Variants in KLHL1 observed in about 807,000 individuals in gnomAD.
KLHL1 encodes kelch like family member 1, also known as kelch-like protein 1.
In KLHL1, 47 loss-of-function variants were observed where a neutral mutation model predicts 77.7. The ratio of observed to expected loss-of-function variants is 0.60; its 90% CI spans 0.48 to 0.77. The LOEUF (loss-of-function observed/expected upper bound fraction) is 0.77. KLHL1 is among the 30% of genes least tolerant of loss of function. The pLI, the probability that KLHL1 is intolerant of heterozygous loss-of-function variation, is 0.00. For synonymous variants in KLHL1, 360 were observed against 325.2 expected (o/e 1.11, Z -1.15); for missense variants, 925 against 910.8 (o/e 1.02, Z -0.20).
At chr13:69,837,665 T>C (rs1879073882) in intron 6 of KLHL1, among the ~76,000 whole-genome samples, 1 of 127,318 alleles carries the variant, frequency 7.9e-6, no homozygotes, top group African/African-American at 3.6e-5. Flanking sequence ...TATGTGTGTG[T>C]GTGTGTATAT....
chr13:70,084,622 C>CGTTTTTTTTTTTTTTTT lies in KLHL1; in HGVS notation c.497+22580_497+22581insAAAAAAAAAAAAAAAAC, dbSNP rs1555296089. Among the ~76,000 whole-genome samples the CGTTTTTTTTTTTTTTTT allele has an allele frequency of 1.3e-4, 2 of 14,956 alleles. 1 individual carries two copies. The highest frequency in any genetic ancestry group is 2.0e-4 in the Non-Finnish European group (2 of 9,850). The allele number at this position is 14,956 out of a possible 152,430, so 9.8% of individuals were successfully genotyped here. ...TACAGGCACCTGCCACCACGCCAGG[C>CGTTTTTTTTTTTTTTTT]TTTTTTTTTTTTTTTTTTTTTTTTT... On this transcript the variant is annotated intron_variant, in intron 1 of 10. Coordinates refer to ENST00000377844, the MANE Select transcript of KLHL1 (RefSeq NM_020866.3).
intron 4 of KLHL1, among the ~76,000 whole-genome samples, chr13:69,883,460 C>A (rs564251625): frequency 6.6e-6 from 1 of 152,300 alleles, no homozygotes; most frequent in East Asian, 1.9e-4. Flanking sequence ...CCTCAAGTTT[C>A]TACTGAGTCT....
In KLHL1 at chr13:69,748,450, G is replaced by A. The variant is rs560033786; in HGVS notation, c.1640-7894C>T. On this transcript the variant is annotated intron_variant, in intron 7 of 10. Coordinates refer to ENST00000377844, the MANE Select transcript of KLHL1 (RefSeq NM_020866.3). ...TCCCCTGATAAAACCATCAGATGTC[G>A]TGAGACTTATTCACTACCATGAGAA... Among the ~76,000 whole-genome samples the A allele has an allele frequency of 3.2e-4, 48 of 152,068 alleles. 1 individual carries two copies. The East Asian group carries it at 6.0e-3, about 19-fold the overall frequency.
At chr13:69,827,839 T>TCTAAAGGCATCACGTCAC (rs1447526208) in intron 6 of KLHL1, among the ~76,000 whole-genome samples, 1 of 134,420 alleles carries the variant, frequency 7.4e-6, no homozygotes, top group Non-Finnish European at 1.6e-5. Flanking sequence ...TTACACACAA[T>TCTAAAGGCATCACGTCAC]CCTGATTAAA....
chr13:70,072,860 G>A (rs1487582124), intron 1 of KLHL1, among the ~76,000 whole-genome samples: 1 of 152,044 alleles, frequency 6.6e-6, no homozygotes, highest in Non-Finnish European at 1.5e-5. Flanking sequence ...TGGATTAAGT[G>A]TGAGAAACTA....
intron 3 of KLHL1, among the ~76,000 whole-genome samples, chr13:69,956,894 G>T (rs568935640): frequency 6.6e-6 from 1 of 151,624 alleles, no homozygotes; most frequent in Non-Finnish European, 1.5e-5. Context: ...CATAGAAAAC[G>T]TTCGTCTGTA....
intron 7 of KLHL1, among the ~76,000 whole-genome samples, chr13:69,769,087 A>G (rs1875443669): frequency 6.6e-6 from 1 of 152,210 alleles, no homozygotes; most frequent in African/African-American, 2.4e-5. Context: ...AATTATCTGT[A>G]CTATAACATA....
intron 9 of KLHL1, among the ~76,000 whole-genome samples, chr13:69,710,749 T>C (rs1875836789): frequency 6.6e-6 from 1 of 152,134 alleles, no homozygotes; most frequent in Non-Finnish European, 1.5e-5. Context: ...AGGTTATGTT[T>C]CTGAAAAACT....
chr13:69,806,735 A>C (rs1158641944), intron 6 of KLHL1, among the ~76,000 whole-genome samples: 1 of 152,220 alleles, frequency 6.6e-6, no homozygotes, highest in Non-Finnish European at 1.5e-5. Context: ...GTTGCTCCAG[A>C]AAGGCAACCC....
rs562409258 is a variant in KLHL1 at position 69,735,425 on chromosome 13, C to T, written c.1802+4969G>A. On this transcript the variant is annotated intron_variant, in intron 8 of 10. Transcript: ENST00000377844. ...TAAGAAAACAGAAAAAGTTTCCTTA[C>T]TAGTTTATTAAATGTTTATCTTTCT... 7.3e-5 allele frequency among the ~76,000 whole-genome samples: 11 copies of T among 150,708 alleles called. No individual in the cohort carries two copies. In the East Asian group the frequency reaches 2.0e-3, roughly 27 times the overall value.
At chr13:70,039,471 A>G (rs1886320026) in intron 1 of KLHL1, among the ~76,000 whole-genome samples, 1 of 152,092 alleles carries the variant, frequency 6.6e-6, no homozygotes, top group Admixed American at 6.6e-5. Context: ...TTTTTTGGCC[A>G]ATATATGATT....
At chr13:69,885,950 G>C (rs1232259454) in intron 4 of KLHL1, among the ~76,000 whole-genome samples, 1 of 152,126 alleles carries the variant, frequency 6.6e-6, no homozygotes, top group African/African-American at 2.4e-5. Context: ...ATTCTGGCCA[G>C]TGAAAACCAT....
intron 4 of KLHL1, among the ~76,000 whole-genome samples, chr13:69,927,813 G>A (rs1456128034): frequency 6.6e-6 from 1 of 152,150 alleles, no homozygotes; most frequent in Non-Finnish European, 1.5e-5. Flanking sequence ...GTACAGCTAG[G>A]TTGGAAAACA....
At chr13:69,988,029 G>T (rs1593653477) in intron 1 of KLHL1, among the ~76,000 whole-genome samples, 1 of 151,686 alleles carries the variant, frequency 6.6e-6, no homozygotes, top group South Asian at 2.1e-4. Flanking sequence ...TGACTCGAGG[G>T]TTTTGTGTAC....
chr13:70,095,149 C>A (rs1887756391), intron 1 of KLHL1, among the ~76,000 whole-genome samples: 1 of 152,130 alleles, frequency 6.6e-6, no homozygotes, highest in Non-Finnish European at 1.5e-5. Context: ...ATCTACCCAG[C>A]ATAATGAATG....
At chr13:69,811,745 G>T (rs1479956731) in intron 6 of KLHL1, among the ~76,000 whole-genome samples, 1 of 152,060 alleles carries the variant, frequency 6.6e-6, no homozygotes, top group Non-Finnish European at 1.5e-5. Flanking sequence ...TCTATCAAAA[G>T]ACCCTAGACT....
At chr13:69,986,630 C>A (rs970970769) in intron 1 of KLHL1, among the ~76,000 whole-genome samples, 2 of 151,918 alleles carry the variant, frequency 1.3e-5, no homozygotes, top group Non-Finnish European at 2.9e-5. Flanking sequence ...AAAAAAAGTT[C>A]TATTATGAAA....
At position 70,009,686 on chromosome 13, in the gene KLHL1, AT is replaced by A. The variant is rs1299336964; in HGVS notation, c.498-33885del. 2.0e-5 allele frequency among the ~76,000 whole-genome samples: 3 copies of A among 152,130 alleles called. 1 individual carries two copies. Among genetic ancestry groups the A allele is most frequent in the Admixed American group, 2.0e-4 (3 of 15,256 alleles). On this transcript the variant is annotated intron_variant, in intron 1 of 10. Transcript: ENST00000377844. ...ACAACCTGTCTCCATGTGAGCTTCAATTTTTTCATCTGTAATGTGGAACTAA... is the reference window on the plus strand; with the variant it reads ...ACAACCTGTCTCCATGTGAGCTTCAATTTTTCATCTGTAATGTGGAACTAA...
chr13:69,884,786 A>G (rs989172455), intron 4 of KLHL1, among the ~76,000 whole-genome samples: 5 of 152,094 alleles, frequency 3.3e-5, no homozygotes, highest in Admixed American at 6.6e-5. Flanking sequence ...TATGAAATTG[A>G]TCAGATTTCT....
Sources: gnomAD v4.1 joint callset for allele counts (sites outside exome capture counted in the v4.1 genomes callset) on GRCh38, gnomAD v4.1.1 for gene constraint, MANE v1.5 for transcripts, NCBI Gene and HGNC (gene_info 2026-07-23, HGNC 2026-07-21) for gene names.